MBNL1: variants seen among roughly 807,000 people sequenced by gnomAD.
MBNL1 encodes muscleblind like splicing regulator 1, also known as muscleblind-like protein 1.
In MBNL1, 8 loss-of-function variants were observed where a neutral mutation model predicts 42.2. That is an observed-to-expected ratio of 0.19 (90% confidence interval 0.11 to 0.34). The LOEUF is 0.34. Ranked by LOEUF, MBNL1 falls within the 10% of genes least tolerant of loss-of-function variation. The probability of loss-of-function intolerance (pLI) is 1.00; values close to 1 mark genes in which losing one functional copy is unlikely to be tolerated. For synonymous variants in MBNL1, 169 were observed against 173.9 expected (o/e 0.97, Z 0.22); for missense variants, 309 against 495.3 (o/e 0.62, Z 3.57).
rs114854154 is a variant in MBNL1 at position 152,346,256 on chromosome 3, T to C, written c.174+45889T>C. Among the ~76,000 whole-genome samples the C allele has an allele frequency of 6.0e-3, 914 of 152,242 alleles. 6 individuals carry two copies. The highest frequency in any genetic ancestry group is 0.021 in the African/African-American group (871 of 41,562). On this transcript the variant is annotated intron_variant, in intron 2 of 9. Transcript: ENST00000324210. ...GTGTTTGCAGTAGTATAGTGCCGCT[T>C]TGGAAAACTTAGAAGATGATCCTCA...
chr3:152,319,493 A>C (rs2074809072), intron 2 of MBNL1, among the ~76,000 whole-genome samples: 1 of 152,100 alleles, frequency 6.6e-6, no homozygotes, highest in South Asian at 2.1e-4. Context: ...TCTTCATTTC[A>C]GGAAAATGGC....
At chr3:152,320,698 T>TTA (rs1553817946) in intron 2 of MBNL1, among the ~76,000 whole-genome samples, 1 of 150,632 alleles carries the variant, frequency 6.6e-6, no homozygotes, top group Admixed American at 6.6e-5. Context: ...TTTTTTTTTT[T>TTA]AATCTTTTTT....
At chr3:152,413,916 A>C (rs1040884700) in intron 2 of MBNL1, among the ~76,000 whole-genome samples, 4 of 152,216 alleles carry the variant, frequency 2.6e-5, no homozygotes, top group African/African-American at 7.2e-5. Context: ...AGAATTATCC[A>C]AAAGGAAGGT....
At position 152,307,269 on chromosome 3, in the gene MBNL1, G is replaced by A. The variant is rs904915697; in HGVS notation, c.174+6902G>A. ...CTTCCAAAGTGCTGGGATTACAGGC[G>A]TGAGTCACCGCGCCCAGCCTACTAT... On this transcript the variant is annotated intron_variant, in intron 2 of 9. Transcript: ENST00000324210. Among the ~76,000 whole-genome samples, 8 of 152,130 alleles carry A rather than the reference G, an allele frequency of 5.3e-5. No homozygotes were observed. The South Asian group carries it at 6.2e-4, about 12-fold the overall frequency.
intron 2 of MBNL1, among the ~76,000 whole-genome samples, chr3:152,313,428 T>A (rs765051044): frequency 6.6e-6 from 1 of 152,220 alleles, no homozygotes; most frequent in Non-Finnish European, 1.5e-5. Context: ...AGTGACATTG[T>A]GCCAATCACT....
chr3:152,395,438 G>A (rs372620725), intron 2 of MBNL1, among the ~76,000 whole-genome samples: 1 of 152,072 alleles, frequency 6.6e-6, no homozygotes, highest in East Asian at 1.9e-4. Context: ...AAGCATTTTG[G>A]TGCTATATTT....
At chr3:152,361,529 T>C (rs1329325198) in intron 2 of MBNL1, among the ~76,000 whole-genome samples, 1 of 150,580 alleles carries the variant, frequency 6.6e-6, no homozygotes, top group Admixed American at 6.7e-5. Context: ...TTTAATACAA[T>C]GGGAGGGGCA....
At chr3:152,360,900 A>G (rs1441971491) in intron 2 of MBNL1, among the ~76,000 whole-genome samples, 1 of 152,142 alleles carries the variant, frequency 6.6e-6, no homozygotes, top group African/African-American at 2.4e-5. Context: ...TAGATTAATT[A>G]TACTTAATAA....
At chr3:152,443,205 T>A (rs1204742924) in intron 4 of MBNL1, among the ~76,000 whole-genome samples, 1 of 118,106 alleles carries the variant, frequency 8.5e-6, no homozygotes, top group African/African-American at 3.2e-5. Flanking sequence ...CACACACACA[T>A]GCAAATACAT....
At chr3:152,262,069 C>A (rs2036386485) in intron 2 of MBNL1, among the ~76,000 whole-genome samples, 1 of 152,160 alleles carries the variant, frequency 6.6e-6, no homozygotes, top group African/African-American at 2.4e-5. Context: ...AGACTATGAA[C>A]ACCTTGCAAA....
chr3:152,252,553 C>A (rs570992669), intron 2 of MBNL1, among the ~76,000 whole-genome samples: 167 of 151,940 alleles, frequency 1.1e-3, no homozygotes, highest in African/African-American at 3.9e-3. Context: ...TTCAAAAATA[C>A]CTGCTTGAGT....
chr3:152,439,592 T>C (rs943377873), intron 4 of MBNL1, among the ~76,000 whole-genome samples: 1 of 152,218 alleles, frequency 6.6e-6, no homozygotes, highest in African/African-American at 2.4e-5. Flanking sequence ...AGAATGGCTC[T>C]TAAAAATGTA....
chr3:152,459,292 C>T lies in MBNL1; in HGVS notation c.1114C>T (p.His372Tyr). 2.5e-6 allele frequency: 4 copies of T among 1,584,378 alleles called. No homozygotes were observed. The highest frequency in any genetic ancestry group is 3.4e-6 in the Non-Finnish European group (4 of 1,164,930). ...CTAGATACCCATAATATCTGCCGAA[C>T]ATCTGACTAGCCACAAGTATGTTAC... ...ANQIPIISAEHLTSHKYVTQM is the reference protein window; with the variant it reads ...ANQIPIISAEYLTSHKYVTQM Residue 372 changes from histidine to tyrosine, a missense_variant, in exon 9 of 10, where the codon CAT (histidine) becomes TAT (tyrosine). Coordinates refer to ENST00000324210, the MANE Select transcript of MBNL1 (RefSeq NM_021038.5).
chr3:152,359,930 G>A (rs959031774), intron 2 of MBNL1, among the ~76,000 whole-genome samples: 3 of 152,152 alleles, frequency 2.0e-5, no homozygotes, highest in African/African-American at 7.2e-5. Flanking sequence ...ATACACAGAA[G>A]CTATTTACAA....
intron 2 of MBNL1, among the ~76,000 whole-genome samples, chr3:152,319,614 G>GGT (rs1184071631): frequency 1.2e-5 from 1 of 80,534 alleles, no homozygotes; most frequent in Non-Finnish European, 2.3e-5. Flanking sequence ...GTTCTATACT[G>GGT]TTTTTTTTTT....
intron 1 of MBNL1, among the ~76,000 whole-genome samples, chr3:152,277,486 G>A (rs2045928366): frequency 6.6e-6 from 1 of 152,086 alleles, no homozygotes; most frequent in Non-Finnish European, 1.5e-5. Flanking sequence ...TTTAGGGAAG[G>A]TATCAGTATA....
chr3:152,319,287 G>T (rs891803103), intron 2 of MBNL1, among the ~76,000 whole-genome samples: 3 of 152,036 alleles, frequency 2.0e-5, no homozygotes, highest in Non-Finnish European at 4.4e-5. Context: ...TTTCCACATT[G>T]AACTCTGCTG....
chr3:152,458,155 T>C, intron 8 of MBNL1: 1 of 1,613,962 alleles, frequency 6.2e-7, no homozygotes, highest in South Asian at 1.1e-5. Context: ...TTCTACACTG[T>C]TGGGTGCAAC....
intron 2 of MBNL1, among the ~76,000 whole-genome samples, chr3:152,363,053 T>C (rs1274249676): frequency 6.6e-6 from 1 of 152,142 alleles, no homozygotes; most frequent in Non-Finnish European, 1.5e-5. Context: ...AAAATAGATG[T>C]TCTATTTAAA....
Sources: gnomAD v4.1 joint callset for allele counts (sites outside exome capture counted in the v4.1 genomes callset) on GRCh38, gnomAD v4.1.1 for gene constraint, MANE v1.5 for transcripts, NCBI Gene and HGNC (gene_info 2026-07-23, HGNC 2026-07-21) for gene names.